Variants in CCDC66 observed in about 807,000 individuals in gnomAD.
CCDC66 encodes coiled-coil domain containing 66.
A neutral mutation model predicts 128.3 loss-of-function variants in CCDC66; 133 were observed. The observed-to-expected ratio is 1.04, with a 90% CI of 0.90 to 1.20. The LOEUF (loss-of-function observed/expected upper bound fraction) is 1.20, where lower values mean the gene tolerates loss of function less well. CCDC66 is among the 50% of genes most tolerant of loss of function. The probability of loss-of-function intolerance (pLI) is 0.00; values close to 1 mark genes in which losing one functional copy is unlikely to be tolerated. For missense variants in CCDC66, 1,126 were observed against 1,075.5 expected, an observed-to-expected ratio of 1.05 and a Z score of -0.66; for synonymous variants, 387 against 357.0, an observed-to-expected ratio of 1.08 and a Z score of -0.95.
intron 11 of CCDC66, 74 bp from the exon 12 acceptor site, chr3:56,615,054 A>G: frequency 6.7e-7 from 1 of 1,493,408 alleles, no homozygotes; most frequent in Non-Finnish European, 9.2e-7. Context: ...AGCTTAGAAA[A>G]TGTTTACTGA....
chr3:56,615,330 TCC>T, intron 12 of CCDC66, 58 bp downstream of exon 12: 2 of 1,500,158 alleles, frequency 1.3e-6, no homozygotes. Context: ...TTTAAATAAT[TCC>T]TTTTTATCTT....
At chr3:56,609,628 G>A (rs192538052) in intron 10 of CCDC66, among the ~76,000 whole-genome samples, 15 of 152,152 alleles carry the variant, frequency 9.9e-5, no homozygotes, top group East Asian at 5.8e-4. Context: ...TGTTGCTTGC[G>A]TACTTTGGAT....
intron 10 of CCDC66, among the ~76,000 whole-genome samples, chr3:56,594,682 C>CA (rs71621827): frequency 0.18 from 23,243 of 131,412 alleles, 2,307 homozygotes; most frequent in Admixed American, 0.31. Context: ...GACTCCATCT[C>CA]AAAAAAAAAA....
At chr3:56,612,018 G>C (rs2074902245) in intron 10 of CCDC66, among the ~76,000 whole-genome samples, 1 of 152,208 alleles carries the variant, frequency 6.6e-6, no homozygotes, top group African/African-American at 2.4e-5. Context: ...TTGATCTATA[G>C]CTAAAATTCA....
chr3:56,617,775 A>C, intron 14 of CCDC66, 170 bp downstream of exon 14: 1 of 712,046 alleles, frequency 1.4e-6, no homozygotes, highest in South Asian at 2.0e-5. Context: ...GGAAAGTTTT[A>C]TACGAACATA....
rs757786648 is a variant in CCDC66, at chr3:56,621,565, A to G, written c.2794A>G (p.Ser932Gly). ...LLQKQKELES[S>G]LLPLAENQEE... ...CCAGAAGCAAAAGGAGTTGGAAAGT[A>G]GTCTCCTGCCTTTAGCTGAAAATCA... The change falls in exon 18 of 18, where the codon AGT (serine) becomes GGT (glycine). Residue 932 changes from serine (S) to glycine (G), a missense_variant. Ser to Gly is a moderately conservative substitution (Grantham distance 56). Transcript: ENST00000394672. The G allele has an allele frequency of 1.9e-6, 3 of 1,602,674 alleles. No individual in the cohort carries two copies. The highest frequency in any genetic ancestry group is 2.6e-6 in the Non-Finnish European group (3 of 1,175,324).
chr3:56,581,217 A>G (rs1427115690), intron 7 of CCDC66, among the ~76,000 whole-genome samples: 3 of 151,684 alleles, frequency 2.0e-5, no homozygotes, highest in African/African-American at 7.3e-5. Context: ...AAGCTTGTGC[A>G]TTTGTCATGT....
chr3:56,606,493 A>G (rs1299613247), intron 10 of CCDC66, among the ~76,000 whole-genome samples: 1 of 152,028 alleles, frequency 6.6e-6, no homozygotes, highest in Non-Finnish European at 1.5e-5. Context: ...CATTCCTCAC[A>G]GCATGGCACA....
intron 10 of CCDC66, among the ~76,000 whole-genome samples, chr3:56,605,727 C>G (rs1377688586): frequency 2.0e-5 from 3 of 151,982 alleles, no homozygotes; most frequent in African/African-American, 7.3e-5. Flanking sequence ...GGAAGTGTCT[C>G]CTAGTCAGGA....
intron 17 of CCDC66, 34 bp downstream of exon 17, chr3:56,619,935 C>T (rs756095268): frequency 6.2e-7 from 1 of 1,601,518 alleles, no homozygotes; most frequent in Admixed American, 1.7e-5. Flanking sequence ...TATGTCTGTT[C>T]TTTATGTGGC....
At position 56,616,043 on chromosome 3, in the gene CCDC66, T is replaced by G. The variant is rs1297307744; in HGVS notation, c.1833T>G (p.Gly611=). ...CTACGACTTCTAAGAAGGATACTGG[T>G]GTGCAAACAGGTATTTGTGTGGAAA... The part of the protein sequence containing the change: ...MNSTTSKKDT[G]VQTDDLNIGI... Residue 611 remains glycine, a synonymous_variant, in exon 13 of 18, where the codon GGT becomes GGG. Coordinates refer to ENST00000394672, the MANE Select transcript of CCDC66 (RefSeq NM_001141947.3). 1 of 1,587,618 alleles carries G rather than the reference T, an allele frequency of 6.3e-7. No homozygotes were observed. The highest frequency in any genetic ancestry group is 8.6e-7 in the Non-Finnish European group (1 of 1,169,418).
intron 15 of CCDC66, 71 bp from the exon 16 acceptor site, chr3:56,619,200 A>T: frequency 2.4e-6 from 3 of 1,241,764 alleles, no homozygotes; most frequent in East Asian, 5.1e-5. Context: ...TCTCATAAAT[A>T]AAGTGAAATG....
rs1473882425 is a variant in CCDC66, at chr3:56,584,007, C to T, written c.937-8963C>T. ...CTCCCTCCCGGACGGGGCGGCTGGCCGGGCGGGGGGCTGCCCCCCACCTCC... is the reference window on the plus strand; with the variant it reads ...CTCCCTCCCGGACGGGGCGGCTGGCTGGGCGGGGGGCTGCCCCCCACCTCC... On this transcript the variant is annotated intron_variant, in intron 7 of 17. Transcript: ENST00000394672. 2.3e-3 allele frequency among the ~76,000 whole-genome samples: 290 copies of T among 128,680 alleles called. 9 individuals are homozygous for T. Among genetic ancestry groups the T allele is most frequent in the African/African-American group, 7.5e-3 (245 of 32,494 alleles). The allele number at this position is 128,680 out of a possible 152,430, so 84.4% of individuals were successfully genotyped here.
intron 14 of CCDC66, 118 bp from the exon 15 acceptor site, chr3:56,618,054 A>T (rs1183213097): frequency 1.2e-6 from 1 of 818,938 alleles, no homozygotes; most frequent in Non-Finnish European, 2.1e-6. Context: ...TTGCTCAGTC[A>T]GTACCTGTTA....
In CCDC66 at chr3:56,617,246, C is replaced by A; in HGVS notation, c.1978C>A (p.Gln660Lys). ...IGQFSTKKNKQELTQDKGASL... is the reference protein window; with the variant it reads ...IGQFSTKKNKKELTQDKGASL... Reference sequence around the variant, plus strand: ...ACAGTTTAGCACCAAGAAAAACAAGCAAGAACTAACTCAGGATAAAGGAGC... The same window carrying A: ...ACAGTTTAGCACCAAGAAAAACAAGAAAGAACTAACTCAGGATAAAGGAGC... The change falls in exon 14 of 18, where the codon CAA becomes AAA. Residue 660 changes from glutamine (Q) to lysine (K), a missense_variant. Gln to Lys is a moderately conservative substitution (Grantham distance 53, BLOSUM62 1). Transcript: ENST00000394672. 6.2e-7 allele frequency: 1 copy of A among 1,613,584 alleles called. No homozygotes were observed. Among genetic ancestry groups the A allele is most frequent in the Non-Finnish European group, 8.5e-7 (1 of 1,179,900 alleles).
intron 6 of CCDC66, chr3:56,569,912 G>T (rs1391006714): frequency 1.3e-5 from 2 of 152,132 alleles, no homozygotes; most frequent in Non-Finnish European, 2.9e-5. Flanking sequence ...TCAGCTCACT[G>T]CAACCTCTGC....
In CCDC66 at chr3:56,618,090, C is replaced by G. The variant is rs560136338; in HGVS notation, c.2338-82C>G. 685 of 1,082,198 alleles carry G rather than the reference C, an allele frequency of 6.3e-4. 16 individuals are homozygous for G. The South Asian group carries it at 7.9e-3, about 13-fold the overall frequency. The allele number at this position is 1,082,198 out of a possible 1,614,324, so 67.0% of individuals were successfully genotyped here. On this transcript the variant is annotated intron_variant, in intron 14 of 17. Coordinates refer to ENST00000394672, the MANE Select transcript of CCDC66 (RefSeq NM_001141947.3). ...TTCAAATATTACCCTCAGACTATTT[C>G]AACAAGTAGCCCTAAAAATATTTGT... is the stretch of plus-strand genomic sequence containing the variant.
chr3:56,580,115 T>TA (rs1184347550), intron 7 of CCDC66, among the ~76,000 whole-genome samples: 1 of 151,916 alleles, frequency 6.6e-6, no homozygotes, highest in Non-Finnish European at 1.5e-5. Flanking sequence ...CATATATATT[T>TA]AGGATAGTTA....
chr3:56,613,602 C>T lies in CCDC66; in HGVS notation c.1418C>T (p.Ala473Val). ...KQLEHQKAITAQVEEKRRKKQ... is the reference protein window; with the variant it reads ...KQLEHQKAITVQVEEKRRKKQ... ...GCTTATGACTAGAAAGCCATCACTGCCCAGGTAGAAGAGAAGCGCAGGAAG... is the reference window on the plus strand; with the variant it reads ...GCTTATGACTAGAAAGCCATCACTGTCCAGGTAGAAGAGAAGCGCAGGAAG... The change falls in exon 11 of 18, where the codon GCC becomes GTC. Residue 473 changes from alanine to valine, a missense_variant. Ala to Val is a moderately conservative substitution (Grantham distance 64, BLOSUM62 0). Coordinates refer to ENST00000394672, the MANE Select transcript of CCDC66 (RefSeq NM_001141947.3). 1 of 1,612,244 alleles carries T rather than the reference C, an allele frequency of 6.2e-7. No homozygotes were observed. The highest frequency in any genetic ancestry group is 1.3e-5 in the African/African-American group (1 of 74,746).
Sources: gnomAD v4.1 joint callset for allele counts (sites outside exome capture counted in the v4.1 genomes callset) on GRCh38, gnomAD v4.1.1 for gene constraint, MANE v1.5 for transcripts, NCBI Gene and HGNC (gene_info 2026-07-23, HGNC 2026-07-21) for gene names.